Variants in NOTCH2 observed in about 807,000 individuals in gnomAD.
The protein encoded by NOTCH2 is notch receptor 2.
A neutral mutation model predicts 235.8 loss-of-function variants in NOTCH2; 29 were observed. The observed-to-expected ratio is 0.12, with a 90% confidence interval of 0.09 to 0.17. The LOEUF is 0.17. Among genes scored for constraint, NOTCH2 ranks in the 10% least tolerant of loss-of-function variants. The probability of loss-of-function intolerance (pLI) is 1.00; values close to 1 mark genes in which losing one functional copy is unlikely to be tolerated. For synonymous variants in NOTCH2, 1,086 were observed against 1,141.5 expected (o/e 0.95, Z 0.98); for missense variants, 2,285 against 3,150.2 (o/e 0.73, Z 6.57).
intron 1 of NOTCH2, among the ~76,000 whole-genome samples, chr1:120,047,867 C>T (rs587624595): frequency 1.2e-4 from 16 of 129,360 alleles, no homozygotes; most frequent in East Asian, 1.2e-3. Context: ...CAGGTTCAAG[C>T]GATTCTCCTG....
chr1:119,953,500 G>A (rs782355507), intron 14 of NOTCH2, 43 bp downstream of exon 14: 2 of 1,608,816 alleles, frequency 1.2e-6, no homozygotes, highest in East Asian at 4.5e-5. Context: ...GCAACAACAA[G>A]AAGACAAAGA....
intron 11 of NOTCH2, among the ~76,000 whole-genome samples, chr1:119,961,608 C>T (rs1167662085): frequency 6.6e-6 from 1 of 152,222 alleles, no homozygotes; most frequent in Non-Finnish European, 1.5e-5. Context: ...TAAGCTCTTT[C>T]TGTTTCTTTG....
intron 18 of NOTCH2, 109 bp from the exon 19 acceptor site, chr1:119,940,865 C>A (rs904035519): frequency 2.1e-5 from 20 of 934,122 alleles, no homozygotes; most frequent in Non-Finnish European, 3.4e-5. Flanking sequence ...TACCTCTGAG[C>A]AACCCATATC....
At chr1:119,999,084 T>C (rs587764527) in intron 3 of NOTCH2, among the ~76,000 whole-genome samples, 1 of 131,572 alleles carries the variant, frequency 7.6e-6, no homozygotes, top group African/African-American at 3.0e-5. Context: ...TAATCCAGTC[T>C]ATCATTGATG....
intron 14 of NOTCH2, among the ~76,000 whole-genome samples, chr1:119,951,999 G>A (rs115335166): frequency 0.02 from 3,022 of 152,286 alleles, 54 homozygotes; most frequent in Non-Finnish European, 0.024. Context: ...TCTCAGAAAT[G>A]TTTCAAGTAA....
At chr1:120,002,438 T>C (rs1239631872) in intron 3 of NOTCH2, among the ~76,000 whole-genome samples, 12 of 151,656 alleles carry the variant, frequency 7.9e-5, no homozygotes, top group Admixed American at 1.3e-4. Flanking sequence ...TGCCCTGTGA[T>C]TAAGGTCAAT....
At chr1:120,055,688 T>G (rs1292217300) in intron 1 of NOTCH2, among the ~76,000 whole-genome samples, 2 of 150,904 alleles carry the variant, frequency 1.3e-5, no homozygotes, top group African/African-American at 4.9e-5. Flanking sequence ...AAAATAAAAT[T>G]TGGAATTTTT....
At chr1:120,001,113 C>A (rs1221608624) in intron 3 of NOTCH2, among the ~76,000 whole-genome samples, 1 of 152,134 alleles carries the variant, frequency 6.6e-6, no homozygotes, top group Non-Finnish European at 1.5e-5. Context: ...AAAGAAGTGC[C>A]TTTTGCCTCC....
rs765121641 is a variant in NOTCH2, at chr1:119,919,537, C to A, written c.5556G>T (p.Glu1852Asp). 1 of 1,613,964 alleles carries A rather than the reference C, an allele frequency of 6.2e-7. No individual in the cohort carries two copies. Among genetic ancestry groups the A allele is most frequent in the Non-Finnish European group, 8.5e-7 (1 of 1,179,916 alleles). ...SDLSDEDEDAEDSSANIITDL... is the reference protein window; with the variant it reads ...SDLSDEDEDADDSSANIITDL... ...CTGTGATGATGTTAGCAGAAGAGTC[C>A]TCTGCATCTTCATCTTCATCACTCA... Residue 1852 changes from glutamate (E) to aspartate (D), a missense_variant, in exon 31 of 34, where the codon GAG becomes GAT. Transcript: ENST00000256646.
intron 8 of NOTCH2, among the ~76,000 whole-genome samples, chr1:119,966,782 T>C (rs1651154376): frequency 6.6e-6 from 1 of 152,188 alleles, no homozygotes; most frequent in South Asian, 2.1e-4. Context: ...AAATCCATAC[T>C]TTCTGGACTG....
In NOTCH2 at chr1:119,926,541, C is replaced by T. The variant is rs1649479543; in HGVS notation, c.3963G>A (p.Val1321=). 1.2e-6 allele frequency: 2 copies of T among 1,608,506 alleles called. No homozygotes were observed. Among genetic ancestry groups the T allele is most frequent in the Non-Finnish European group, 1.7e-6 (2 of 1,177,104 alleles). Residue 1321 remains valine, a synonymous_variant, in exon 24 of 34, where the codon GTG becomes GTA. Coordinates refer to ENST00000256646, the MANE Select transcript of NOTCH2 (RefSeq NM_024408.4). ...TGAAACCATCAGGCATGTTACTGGCCACAGCACAAGTCCCTCCATTCAGGC... is the reference window on the plus strand; with the variant it reads ...TGAAACCATCAGGCATGTTACTGGCTACAGCACAAGTCCCTCCATTCAGGC... ...MPCLNGGTCA[V]ASNMPDGFIC...
At chr1:119,975,937 A>G (rs587714263) in intron 5 of NOTCH2, among the ~76,000 whole-genome samples, 2 of 152,302 alleles carry the variant, frequency 1.3e-5, no homozygotes, top group South Asian at 4.1e-4. Context: ...AAGAGAAAGA[A>G]AGAAAAGAAG....
chr1:119,922,891 A>G, intron 26 of NOTCH2, 113 bp from the exon 27 acceptor site: 1 of 1,305,880 alleles, frequency 7.7e-7, no homozygotes, highest in Non-Finnish European at 1.1e-6. Flanking sequence ...CCTCCCCTTC[A>G]GCATCAGGTC....
At position 120,011,041 on chromosome 1, in the gene NOTCH2, T is replaced by C. The variant is rs587701832; in HGVS notation, c.156-5453A>G. Among the ~76,000 whole-genome samples, 1,034 of 152,294 alleles carry C rather than the reference T, an allele frequency of 6.8e-3. 9 individuals carry two copies. Among genetic ancestry groups the C allele is most frequent in the African/African-American group, 0.022 (927 of 41,542 alleles). On this transcript the variant is annotated intron_variant, in intron 2 of 33. Coordinates refer to ENST00000256646, the MANE Select transcript of NOTCH2 (RefSeq NM_024408.4). ...AAAGGCCACATATTATATAATTCCA[T>C]TTATATGAAATGTCCAGAATATGCA...
intron 1 of NOTCH2, among the ~76,000 whole-genome samples, chr1:120,045,659 T>C (rs1187949002): frequency 1.5e-4 from 23 of 152,320 alleles, no homozygotes; most frequent in Non-Finnish European, 3.1e-4. Context: ...TAAGGAGAGA[T>C]ACAACCTAAT....
Position 119,914,876 on chromosome 1 carries a change from T to A in NOTCH2, c.*430A>T. 2.9e-6 allele frequency: 1 copy of A among 341,150 alleles called. No homozygotes were observed. Among genetic ancestry groups the A allele is most frequent in the Non-Finnish European group, 5.4e-6 (1 of 184,062 alleles). The allele number at this position is 341,150 out of a possible 1,614,324, so 21.1% of individuals were successfully genotyped here. Reference sequence around the variant, plus strand: ...AAAAGAATGTCCAAGGAGGAGGAGATGCGTAGGTCAATTCAGGCAGAATTC... The same window carrying A: ...AAAAGAATGTCCAAGGAGGAGGAGAAGCGTAGGTCAATTCAGGCAGAATTC... On this transcript the variant is annotated 3_prime_UTR_variant, in exon 34 of 34. Transcript: ENST00000256646.
chr1:120,002,201 CACA>C (rs1478228748), intron 3 of NOTCH2, among the ~76,000 whole-genome samples: 11 of 152,018 alleles, frequency 7.2e-5, no homozygotes, highest in Admixed American at 3.3e-4. Flanking sequence ...CACCAGAAGA[CACA>C]ACAACAATTC....
intron 19 of NOTCH2, among the ~76,000 whole-genome samples, chr1:119,938,475 G>T (rs1290454361): frequency 3.3e-5 from 5 of 152,098 alleles, no homozygotes; most frequent in Admixed American, 2.0e-4. Flanking sequence ...ATGAGTAATA[G>T]CAGTCCTAGT....
chr1:120,026,163 T>C (rs1247318891), intron 2 of NOTCH2, among the ~76,000 whole-genome samples: 1 of 128,532 alleles, frequency 7.8e-6, no homozygotes, highest in Admixed American at 7.7e-5. Context: ...CAAAAGTAGT[T>C]ATCTTCATCT....
Sources: gnomAD v4.1 joint callset for allele counts (sites outside exome capture counted in the v4.1 genomes callset) on GRCh38, gnomAD v4.1.1 for gene constraint, MANE v1.5 for transcripts, NCBI Gene and HGNC (gene_info 2026-07-23, HGNC 2026-07-21) for gene names.